The following WDR47 variants were observed in gnomAD, a reference collection of about 807,000 sequenced individuals.
WDR47 encodes the protein WD repeat domain 47.
A neutral mutation model predicts 97.2 loss-of-function variants in WDR47; 32 were observed. That is an observed-to-expected ratio of 0.33 (90% CI 0.25 to 0.44). WDR47 has a LOEUF of 0.44. Ranked by LOEUF, WDR47 falls within the 20% of genes least tolerant of loss-of-function variation. WDR47 has a pLI of 1.00. For missense variants in WDR47, 782 were observed against 1,102.3 expected (o/e 0.71, Z 4.11); for synonymous variants, 375 against 373.5 (o/e 1.00, Z -0.05).
At chr1:108,981,939 A>C in intron 12 of WDR47, 75 bp from the exon 13 acceptor site, 1 of 1,501,996 alleles carries the variant, frequency 6.7e-7, no homozygotes, top group Non-Finnish European at 9.0e-7. Context: ...TAAGCACTCT[A>C]GAGTTGGGCA....
rs540395599 is a variant in WDR47, at chr1:109,018,848, T to A, written c.159-1247A>T. Among the ~76,000 whole-genome samples the A allele has an allele frequency of 1.3e-4, 19 of 151,098 alleles. No homozygotes were observed. In the South Asian group the frequency reaches 3.4e-3, roughly 27 times the overall value. On this transcript the variant is annotated intron_variant, in intron 2 of 14. Transcript: ENST00000369962. ...CACACAAAAAAGAAAGAACAGGTGA[T>A]CATTTGAGCCCAGCAGTTCAAGACT... is the stretch of plus-strand genomic sequence containing the variant.
chr1:109,027,847 C>T (rs1662319239), intron 1 of WDR47, among the ~76,000 whole-genome samples: 1 of 152,044 alleles, frequency 6.6e-6, no homozygotes. Flanking sequence ...ACATCTATTT[C>T]CTGTAATCCT....
intron 2 of WDR47, among the ~76,000 whole-genome samples, chr1:109,019,483 G>A (rs940304546): frequency 6.6e-6 from 1 of 151,924 alleles, no homozygotes; most frequent in South Asian, 2.1e-4. Flanking sequence ...TCAACTGGGG[G>A]TGATTTTGCA....
At chr1:109,014,290 A>G (rs1012283708) in intron 3 of WDR47, among the ~76,000 whole-genome samples, 3 of 152,174 alleles carry the variant, frequency 2.0e-5, no homozygotes, top group Non-Finnish European at 4.4e-5. Flanking sequence ...ATTTTTAAAT[A>G]CATATACATT....
intron 14 of WDR47, 86 bp from the exon 15 acceptor site, chr1:108,971,658 C>T: frequency 6.9e-7 from 1 of 1,441,162 alleles, no homozygotes; most frequent in Non-Finnish European, 9.4e-7. Context: ...TAAGACATTA[C>T]AGTATAAAAA....
intron 9 of WDR47, among the ~76,000 whole-genome samples, chr1:108,989,015 C>T (rs1659097976): frequency 6.6e-6 from 1 of 152,134 alleles, no homozygotes; most frequent in African/African-American, 2.4e-5. Context: ...CCTCAGCCAC[C>T]CAAAGTGCTG....
intron 2 of WDR47, among the ~76,000 whole-genome samples, chr1:109,022,743 C>T (rs1262255187): frequency 2.0e-5 from 3 of 151,942 alleles, no homozygotes; most frequent in Non-Finnish European, 4.4e-5. Context: ...TGCCACCATG[C>T]CCGGTTAATT....
intron 1 of WDR47, chr1:109,025,073 T>C (rs1026804633): frequency 3.3e-5 from 5 of 152,196 alleles, no homozygotes; most frequent in African/African-American, 9.7e-5. Context: ...GTTGATTTTT[T>C]TGTTTATAAC....
intron 5 of WDR47, 37 bp downstream of exon 5, chr1:109,010,879 G>C: frequency 6.4e-7 from 1 of 1,568,996 alleles, no homozygotes; most frequent in East Asian, 2.2e-5. Context: ...ACTGCACCCG[G>C]CCTAAGATTT....
intron 3 of WDR47, among the ~76,000 whole-genome samples, chr1:109,015,479 A>G (rs1661348479): frequency 6.7e-6 from 1 of 149,556 alleles, no homozygotes; most frequent in South Asian, 2.1e-4. Flanking sequence ...ATGTGCCACC[A>G]CATCCAGCCA....
At chr1:108,982,436 G>C (rs1253978631) in intron 12 of WDR47, among the ~76,000 whole-genome samples, 173 bp downstream of exon 12, 4 of 152,152 alleles carry the variant, frequency 2.6e-5, no homozygotes. Flanking sequence ...AGGAGGCTGG[G>C]TGGGAGGATC....
At chr1:109,023,276 T>C in intron 2 of WDR47, 79 bp downstream of exon 2, 1 of 1,259,432 alleles carries the variant, frequency 7.9e-7, no homozygotes, top group Non-Finnish European at 1.1e-6. Context: ...AAGTTCTATC[T>C]GTATTATATA....
At chr1:108,977,269 A>T (rs1657982614) in intron 13 of WDR47, among the ~76,000 whole-genome samples, 1 of 152,034 alleles carries the variant, frequency 6.6e-6, no homozygotes, top group Admixed American at 6.6e-5. Flanking sequence ...CTCCTGCCTC[A>T]GCCTCCCCAG....
intron 3 of WDR47, among the ~76,000 whole-genome samples, chr1:109,015,636 T>A (rs956136392): frequency 1.3e-5 from 2 of 149,770 alleles, no homozygotes; most frequent in African/African-American, 4.9e-5. Flanking sequence ...CCTCAAAAAA[T>A]GACTATTTTG....
chr1:109,039,549 C>T (rs1048667341), intron 1 of WDR47, among the ~76,000 whole-genome samples: 19 of 152,178 alleles, frequency 1.2e-4, no homozygotes, highest in African/African-American at 4.3e-4. Flanking sequence ...CAAGCCACCA[C>T]GCCCAGCCGG....
chr1:108,987,494 G>C (rs1323256902), intron 9 of WDR47, among the ~76,000 whole-genome samples: 6 of 151,230 alleles, frequency 4.0e-5, no homozygotes, highest in African/African-American at 1.5e-4. Flanking sequence ...TTGAGATGGA[G>C]TCTTGCTCTG....
intron 7 of WDR47, among the ~76,000 whole-genome samples, chr1:109,001,358 T>C (rs767672015): frequency 3.3e-5 from 5 of 152,192 alleles, no homozygotes; most frequent in Non-Finnish European, 1.5e-5. Flanking sequence ...CGTGTGTGTA[T>C]ATATTTCTCC....
At chr1:109,001,265 G>A (rs1244197423) in intron 7 of WDR47, among the ~76,000 whole-genome samples, 1 of 151,568 alleles carries the variant, frequency 6.6e-6, no homozygotes, top group Non-Finnish European at 1.5e-5. Context: ...CTCCAGCCTG[G>A]GTGACAGAGT....
chr1:108,975,613 T>C (rs1657827744), intron 13 of WDR47, among the ~76,000 whole-genome samples: 1 of 150,022 alleles, frequency 6.7e-6, no homozygotes, highest in African/African-American at 2.5e-5. Flanking sequence ...AGAGCGAGAC[T>C]CCATCTCAAA....
Sources: gnomAD v4.1 joint callset for allele counts (sites outside exome capture counted in the v4.1 genomes callset) on GRCh38, gnomAD v4.1.1 for gene constraint, MANE v1.5 for transcripts, NCBI Gene and HGNC (gene_info 2026-07-23, HGNC 2026-07-21) for gene names.